Variants in CFAP61 observed in about 807,000 individuals in gnomAD.
CFAP61 encodes the protein cilia and flagella associated protein 61.
CFAP61 carries 107 observed loss-of-function variants against 135.6 expected under a neutral mutation model. That is an observed-to-expected ratio of 0.79 (90% CI 0.67 to 0.93). The LOEUF is 0.93. CFAP61 is among the 40% of genes least tolerant of loss of function. CFAP61 has a pLI of 0.00. For synonymous variants in CFAP61, 575 were observed against 578.5 expected (o/e 0.99, Z 0.09); for missense variants, 1,507 against 1,556.2 (o/e 0.97, Z 0.53).
chr20:20,199,946 C>A, intron 17 of CFAP61, 44 bp downstream of exon 17: 1 of 1,605,412 alleles, frequency 6.2e-7, no homozygotes, highest in South Asian at 1.1e-5. Context: ...TGCCAGCTCC[C>A]GCGGGCCTGG....
At chr20:20,166,217 T>C (rs1569045320) in intron 11 of CFAP61, among the ~76,000 whole-genome samples, 180 bp from the exon 12 acceptor site, 1 of 152,100 alleles carries the variant, frequency 6.6e-6, no homozygotes, top group Non-Finnish European at 1.5e-5. Flanking sequence ...GCAGAATACT[T>C]TATTACTGAC....
rs150658972 is a variant in CFAP61 at position 20,121,660 on chromosome 20, A to G, written c.860-21197A>G. Reference sequence around the variant, plus strand: ...CAGGCACATGCCCCTGTGCCCAGCTAATTTTTGTATTTTAGTTGAGATGGT... The same window carrying G: ...CAGGCACATGCCCCTGTGCCCAGCTGATTTTTGTATTTTAGTTGAGATGGT... On this transcript the variant is annotated intron_variant, in intron 8 of 26. Transcript: ENST00000245957. Among the ~76,000 whole-genome samples the G allele has an allele frequency of 4.6e-5, 7 of 151,894 alleles. No individual in the cohort carries two copies. In the East Asian group the frequency reaches 1.4e-3, roughly 30 times the overall value.
At chr20:20,335,268 A>T (rs1005208578) in intron 25 of CFAP61, among the ~76,000 whole-genome samples, 4 of 152,238 alleles carry the variant, frequency 2.6e-5, no homozygotes, top group African/African-American at 9.6e-5. Flanking sequence ...TCAACCAAAA[A>T]CATCTCCCAA....
At chr20:20,281,183 C>T (rs1296103706) in intron 22 of CFAP61, among the ~76,000 whole-genome samples, 1 of 152,136 alleles carries the variant, frequency 6.6e-6, no homozygotes, top group East Asian at 1.9e-4. Flanking sequence ...ATAAACATGT[C>T]ATGCAAATAG....
chr20:20,169,567 C>A (rs1021507546), intron 13 of CFAP61, 107 bp downstream of exon 13: 3 of 1,012,710 alleles, frequency 3.0e-6, no homozygotes, highest in East Asian at 6.2e-5. Context: ...TAAATATCAT[C>A]TTTTATTAGA....
In CFAP61 at chr20:20,228,234, G is replaced by A. The variant is rs144721336; in HGVS notation, c.1933-15G>A. 4.5e-4 allele frequency: 720 copies of A among 1,588,454 alleles called. 2 individuals carry two copies. The African/African-American group carries it at 7.8e-3, about 17-fold the overall frequency. On this transcript the variant is annotated splice_polypyrimidine_tract_variant and intron_variant, in intron 17 of 26. Transcript: ENST00000245957. ...TTTCTTTGACTCCTTCTTTGTCTTC[G>A]TATTTTTTTTCCAGATGAGTTATGC... is the stretch of plus-strand genomic sequence containing the variant.
rs2054786982 is a variant in CFAP61, at chr20:20,288,817, T to C, written c.3005T>C (p.Ile1002Thr). 2 of 1,614,156 alleles carry C rather than the reference T, an allele frequency of 1.2e-6. No homozygotes were observed. Among genetic ancestry groups the C allele is most frequent in the South Asian group, 1.1e-5 (1 of 91,078 alleles). Reference protein sequence around the residue: ...WTHSNFSSKEIGFQLAAAMLH... With the variant: ...WTHSNFSSKETGFQLAAAMLH... ...CACAGCAACTTCAGTTCCAAAGAAA[T>C]TGGCTTTCAGCTGGCAGCAGCTATG... Residue 1002 changes from isoleucine to threonine, a missense_variant, in exon 23 of 27, where the codon ATT becomes ACT. By Grantham distance (89) the Ile-to-Thr change is moderately conservative. Transcript: ENST00000245957.
intron 18 of CFAP61, among the ~76,000 whole-genome samples, chr20:20,235,151 G>T (rs1489725003): frequency 6.6e-6 from 1 of 152,144 alleles, no homozygotes; most frequent in Non-Finnish European, 1.5e-5. Flanking sequence ...CTCCTGGTGA[G>T]ACGTTCCCTG....
chr20:20,289,669 A>G (rs1434098582), intron 23 of CFAP61, among the ~76,000 whole-genome samples: 2 of 152,180 alleles, frequency 1.3e-5, no homozygotes, highest in African/African-American at 2.4e-5. Flanking sequence ...CCCACATTCC[A>G]TCCTTGTCTT....
chr20:20,247,014 C>A (rs983107725), intron 19 of CFAP61, among the ~76,000 whole-genome samples: 14 of 152,078 alleles, frequency 9.2e-5, no homozygotes, highest in African/African-American at 3.4e-4. Flanking sequence ...CCTTATGATA[C>A]AAAAAAGGGC....
chr20:20,255,330 G>A (rs891538143), intron 20 of CFAP61, among the ~76,000 whole-genome samples: 1 of 152,160 alleles, frequency 6.6e-6, no homozygotes, highest in African/African-American at 2.4e-5. Context: ...TAAAGAGGAA[G>A]AACAAAAATG....
intron 26 of CFAP61, among the ~76,000 whole-genome samples, chr20:20,343,851 G>A (rs1367466928): frequency 6.6e-6 from 1 of 152,154 alleles, no homozygotes; most frequent in East Asian, 1.9e-4. Context: ...CATCCACCAC[G>A]TTTCATACAA....
At chr20:20,180,334 G>GA (rs574779331) in intron 13 of CFAP61, among the ~76,000 whole-genome samples, 3,254 of 130,742 alleles carry the variant, frequency 0.025, 63 homozygotes, top group African/African-American at 0.07. Context: ...GTCTCAAAAA[G>GA]AAAAAAAAAA....
At chr20:20,350,780 G>A (rs1265013718) in intron 26 of CFAP61, among the ~76,000 whole-genome samples, 1 of 152,192 alleles carries the variant, frequency 6.6e-6, no homozygotes, top group Non-Finnish European at 1.5e-5. Flanking sequence ...AACAAATGTG[G>A]TCTAGCCACG....
At chr20:20,216,634 G>T (rs1317929379) in intron 17 of CFAP61, among the ~76,000 whole-genome samples, 1 of 151,976 alleles carries the variant, frequency 6.6e-6, no homozygotes, top group Non-Finnish European at 1.5e-5. Context: ...CTTGGTTGGG[G>T]GTTTTATTTT....
chr20:20,121,411 C>T (rs1286078824), intron 8 of CFAP61, among the ~76,000 whole-genome samples: 1 of 151,960 alleles, frequency 6.6e-6, no homozygotes, highest in Non-Finnish European at 1.5e-5. Context: ...GCTCAACACT[C>T]TATGTCTTTT....
intron 2 of CFAP61, among the ~76,000 whole-genome samples, chr20:20,060,077 GA>G (rs11354098): frequency 0.75 from 110,724 of 148,014 alleles, 41,394 homozygotes; most frequent in East Asian, 0.96. Flanking sequence ...AACAGAGGGG[GA>G]AAAAAAAAAA....
intron 17 of CFAP61, among the ~76,000 whole-genome samples, chr20:20,201,403 A>G (rs769324732): frequency 2.0e-5 from 3 of 152,104 alleles, no homozygotes; most frequent in Non-Finnish European, 4.4e-5. Context: ...CCTTTCTCCT[A>G]TATCATTTTG....
At chr20:20,269,201 A>ATC in intron 21 of CFAP61, among the ~76,000 whole-genome samples, 1 of 89,956 alleles carries the variant, frequency 1.1e-5, no homozygotes, top group African/African-American at 3.6e-5. Flanking sequence ...ATATACATAT[A>ATC]TGTATATATA....
Sources: gnomAD v4.1 joint callset for allele counts (sites outside exome capture counted in the v4.1 genomes callset) on GRCh38, gnomAD v4.1.1 for gene constraint, MANE v1.5 for transcripts, NCBI Gene and HGNC (gene_info 2026-07-23, HGNC 2026-07-21) for gene names.